The following ADPRHL1 variants were observed in gnomAD, a reference collection of about 807,000 sequenced individuals.
ADPRHL1 encodes the protein ADP-ribosylhydrolase like 1, also known as inactive ADP-ribosyltransferase ARH2.
A neutral mutation model predicts 44.1 loss-of-function variants in ADPRHL1; 43 were observed. The observed-to-expected ratio is 0.98, with a 90% CI of 0.76 to 1.26. ADPRHL1 has a LOEUF of 1.26. ADPRHL1 is among the 50% of genes most tolerant of loss of function. ADPRHL1 has a pLI of 0.00. For synonymous variants in ADPRHL1, 878 were observed against 1,017.4 expected, an observed-to-expected ratio of 0.86 and a Z score of 2.61; for missense variants, 2,022 against 2,496.9, an observed-to-expected ratio of 0.81 and a Z score of 4.05.
At position 113,437,409 on chromosome 13, in the gene ADPRHL1, A is replaced by C. The variant is rs533439130; in HGVS notation, c.380-3542T>G. On this transcript the variant is annotated intron_variant, in intron 2 of 7. Coordinates refer to ENST00000612156, the MANE Select transcript of ADPRHL1 (RefSeq NM_001394807.1). ...TGAACACAGGTGTACCCCGGGACCCAGCACCCAGGTGCAGAGTGAATGCCT... is the reference window on the plus strand; with the variant it reads ...TGAACACAGGTGTACCCCGGGACCCCGCACCCAGGTGCAGAGTGAATGCCT... Among the ~76,000 whole-genome samples, 198 of 151,772 alleles carry C rather than the reference A, an allele frequency of 1.3e-3. 1 individual carries two copies. The highest frequency in any genetic ancestry group is 2.1e-3 in the Non-Finnish European group (145 of 67,922).
At chr13:113,448,422 C>T (rs963257612) in intron 1 of ADPRHL1, among the ~76,000 whole-genome samples, 7 of 135,662 alleles carry the variant, frequency 5.2e-5, no homozygotes, top group African/African-American at 8.8e-5. Context: ...GCCGAGATCG[C>T]GCCACTGTAC....
At chr13:113,452,939 G>A (rs544084862) in intron 1 of ADPRHL1, among the ~76,000 whole-genome samples, 9 of 152,302 alleles carry the variant, frequency 5.9e-5, no homozygotes, top group Admixed American at 3.9e-4. Context: ...CCTAGTTAAC[G>A]CTTTACAAAT....
intron 1 of ADPRHL1, among the ~76,000 whole-genome samples, chr13:113,452,382 C>T (rs957859274): frequency 1.3e-5 from 2 of 152,186 alleles, no homozygotes; most frequent in Admixed American, 1.3e-4. Context: ...CTAAACTGGG[C>T]ACGTCCATGG....
chr13:113,449,154 G>A (rs1298461998), intron 1 of ADPRHL1: 2 of 1,020,408 alleles, frequency 2.0e-6, no homozygotes, highest in Admixed American at 6.1e-5. Flanking sequence ...TGTTCAGAGA[G>A]GCTCACCCGG....
At chr13:113,433,206 C>T (rs1423859451) in intron 3 of ADPRHL1, among the ~76,000 whole-genome samples, 2 of 152,226 alleles carry the variant, frequency 1.3e-5, no homozygotes, top group Admixed American at 1.3e-4. Flanking sequence ...GAGCCGCTCC[C>T]GTGGTTCCCG....
Position 113,404,501 on chromosome 13 carries a change from C to T in ADPRHL1, c.4781G>A (p.Gly1594Glu), listed in dbSNP as rs1034874642. Residue 1594 changes from glycine (G) to glutamate (E), a missense_variant, in exon 8 of 8, where the codon GGA (glycine) becomes GAA (glutamate). Gly to Glu is a moderately conservative substitution (Grantham distance 98). Coordinates refer to ENST00000612156, the MANE Select transcript of ADPRHL1 (RefSeq NM_001394807.1). ...TCCTTGAACCTGTTTCTGGGCCTGT[C>T]CCTGAATCTGCCCCTGAGCCCATTT... ...AQKWAQGQIQ[G>E]QAQKQVQGEV... 2 of 1,303,312 alleles carry T rather than the reference C, an allele frequency of 1.5e-6. No individual in the cohort carries two copies. The highest frequency in any genetic ancestry group is 1.9e-6 in the Non-Finnish European group (2 of 1,032,872). The allele number at this position is 1,303,312 out of a possible 1,614,324, so 80.7% of individuals were successfully genotyped here. A position where few individuals can be genotyped will look rare whatever the true frequency, so the allele number is the denominator to read the frequency against.
chr13:113,451,031 C>T (rs983686992), intron 1 of ADPRHL1, among the ~76,000 whole-genome samples: 7 of 152,142 alleles, frequency 4.6e-5, no homozygotes, highest in Non-Finnish European at 7.3e-5. Flanking sequence ...CACGATCCGC[C>T]TGGTAACGGG....
chr13:113,453,318 G>C lies in ADPRHL1; in HGVS notation c.120C>G (p.Ser40=). The C allele has an allele frequency of 6.2e-7, 1 of 1,614,186 alleles. No individual in the cohort carries two copies. The highest frequency in any genetic ancestry group is 1.1e-5 in the South Asian group (1 of 91,084). The stretch of plus-strand genomic sequence containing the variant: ...AGAGTACGAGGTGGTCCAGGCCCCC[G>C]GAACGTTGCAGCTCCTCCTGGATCT... The part of the protein sequence containing the change: ...GMKIQEELQR[S]GGLDHLVLSP... Residue 40 remains serine (S), a synonymous_variant, in exon 1 of 8, where the codon TCC becomes TCG. Coordinates refer to ENST00000612156, the MANE Select transcript of ADPRHL1 (RefSeq NM_001394807.1). The surrounding 1 kb of genome is among the most constrained non-coding windows in gnomAD (Gnocchi z 5.4).
In ADPRHL1 at chr13:113,452,087, C is replaced by T. The variant is rs114938773; in HGVS notation, c.214+1137G>A. ...AAACTCAAGAGTGAGCTCCAGCCGT[C>T]TACGGTGAAAACAAGCCGGAGCTGT... On this transcript the variant is annotated intron_variant, in intron 1 of 7. Coordinates refer to ENST00000612156, the MANE Select transcript of ADPRHL1 (RefSeq NM_001394807.1). Among the ~76,000 whole-genome samples, 1,414 of 152,330 alleles carry T rather than the reference C, an allele frequency of 9.3e-3. 15 individuals are homozygous for T. Among genetic ancestry groups the T allele is most frequent in the African/African-American group, 0.033 (1,356 of 41,568 alleles).
chr13:113,427,470 C>T (rs913945441), intron 4 of ADPRHL1, among the ~76,000 whole-genome samples: 18 of 152,250 alleles, frequency 1.2e-4, no homozygotes, highest in Admixed American at 3.3e-4. Flanking sequence ...CTCAGGTGAT[C>T]CACCTGCCTC....
chr13:113,403,550 C>T lies in ADPRHL1; in HGVS notation c.5732G>A (p.Gly1911Glu). ...PAQEGSPDHP[G>E]AERALQDRME... Reference sequence around the variant, plus strand: ...CCTGTCCTGCAGGGCCCTCTCAGCCCCAGGGTGGTCTGGGGACCCCTCCTG... The same window carrying T: ...CCTGTCCTGCAGGGCCCTCTCAGCCTCAGGGTGGTCTGGGGACCCCTCCTG... Residue 1911 changes from glycine (G) to glutamate (E), a missense_variant, in exon 8 of 8, where the codon GGG (glycine) becomes GAG (glutamate). By Grantham distance (98) the Gly-to-Glu change is moderately conservative. Coordinates refer to ENST00000612156, the MANE Select transcript of ADPRHL1 (RefSeq NM_001394807.1). 1 of 1,231,916 alleles carries T rather than the reference C, an allele frequency of 8.1e-7. No individual in the cohort carries two copies. The highest frequency in any genetic ancestry group is 1.0e-6 in the Non-Finnish European group (1 of 987,986). 76.3% of individuals were successfully genotyped at this position (1,231,916 alleles called of 1,614,324 possible). A position where few individuals can be genotyped will look rare whatever the true frequency, so the allele number is the denominator to read the frequency against.
chr13:113,404,725 C>T lies in ADPRHL1; in HGVS notation c.4557G>A (p.Gln1519=). ...QWQTQIEAQG[Q]AQEQAQGGTQ... ...TCCCACCCTGAGCCTGTTCCTGTGC[C>T]TGCCCCTGGGCCTCTATCTGGGTCT... Residue 1519 remains glutamine, a synonymous_variant, in exon 8 of 8, where the codon CAG becomes CAA. Transcript: ENST00000612156. 7.8e-7 allele frequency: 1 copy of T among 1,280,356 alleles called. No homozygotes were observed. The highest frequency in any genetic ancestry group is 9.8e-7 in the Non-Finnish European group (1 of 1,019,296). The allele number at this position is 1,280,356 out of a possible 1,614,324, so 79.3% of individuals were successfully genotyped here.
At position 113,403,098 on chromosome 13, in the gene ADPRHL1, GCCC is replaced by G. The variant is rs2043774786; in HGVS notation, c.*277_*279del. 1 of 244,778 alleles carries G rather than the reference GCCC, an allele frequency of 4.1e-6. No homozygotes were observed. Among genetic ancestry groups the G allele is most frequent in the Non-Finnish European group, 7.3e-6 (1 of 136,132 alleles). The allele number at this position is 244,778 out of a possible 1,614,324, so 15.2% of individuals were successfully genotyped here. On this transcript the variant is annotated 3_prime_UTR_variant, in exon 8 of 8. Coordinates refer to ENST00000612156, the MANE Select transcript of ADPRHL1 (RefSeq NM_001394807.1). ...CTGTGTGAGAGAGGGGTGAGCCGGC[GCCC>G]CCGAGTGAAGACACAAAGAATCCCG...
chr13:113,444,690 G>A (rs953388983), intron 1 of ADPRHL1, 101 bp from the exon 2 acceptor site: 1 of 1,397,176 alleles, frequency 7.2e-7, no homozygotes, highest in Non-Finnish European at 9.8e-7. Context: ...AGAAAGGGAG[G>A]GCAGACACTG....
intron 3 of ADPRHL1, among the ~76,000 whole-genome samples, chr13:113,431,646 T>A (rs1038868504): frequency 6.6e-6 from 1 of 152,238 alleles, no homozygotes; most frequent in African/African-American, 2.4e-5. Flanking sequence ...GTCAATTTCA[T>A]AAAATCAAAC....
At position 113,453,414 on chromosome 13, in the gene ADPRHL1, C is replaced by G; in HGVS notation, c.24G>C (p.Met8Ile). ...GAGCATCGCCGACGCTCCCCAGCAA[C>G]ATCGCAGCCTTAAATTTCTCCATCC... is the stretch of plus-strand genomic sequence containing the variant. Reference protein sequence around the residue: MEKFKAAMLLGSVGDALG... With the variant: MEKFKAAILLGSVGDALG... The change falls in exon 1 of 8, where the codon ATG becomes ATC. Residue 8 changes from methionine to isoleucine, a missense_variant. By Grantham distance (10) the Met-to-Ile change is conservative (BLOSUM62 1). This residue lies in a region of ADPRHL1 where 437 missense variants were observed against 430.7 expected (regional missense o/e 1.01). Coordinates refer to ENST00000612156, the MANE Select transcript of ADPRHL1 (RefSeq NM_001394807.1). The surrounding 1 kb of genome is among the most constrained non-coding windows in gnomAD (Gnocchi z 5.4). The G allele has an allele frequency of 6.2e-7, 1 of 1,614,180 alleles. No individual in the cohort carries two copies. The highest frequency in any genetic ancestry group is 8.5e-7 in the Non-Finnish European group (1 of 1,180,046).
intron 2 of ADPRHL1, among the ~76,000 whole-genome samples, chr13:113,442,877 ATTCT>A (rs955579397): frequency 1.3e-5 from 2 of 152,016 alleles, no homozygotes; most frequent in Non-Finnish European, 2.9e-5. Flanking sequence ...TTCATCTTGG[ATTCT>A]TTCTCTTTGT....
In ADPRHL1 at chr13:113,409,549, G is replaced by A; in HGVS notation, c.1062-1329C>T. The A allele has an allele frequency of 7.1e-6, 7 of 985,390 alleles. No homozygotes were observed. Among genetic ancestry groups the A allele is most frequent in the Non-Finnish European group, 6.0e-6 (5 of 829,924 alleles). 61.0% of individuals were successfully genotyped at this position (985,390 alleles called of 1,614,324 possible). A position where few individuals can be genotyped will look rare whatever the true frequency, so the allele number is the denominator to read the frequency against. ...GAGTCGGTGGCCGGATGCGGCTGGT[G>A]ACGTGGTGCCAAGTGAAAAGCTCAC... On this transcript the variant is annotated intron_variant, in intron 7 of 7. Transcript: ENST00000612156. This position sits in a 1 kb window ranked among gnomAD's most constrained non-coding sequence, Gnocchi z 4.2.
In ADPRHL1 at chr13:113,409,843, C is replaced by T. The variant is rs895097334; in HGVS notation, c.1062-1623G>A. 28 of 834,656 alleles carry T rather than the reference C, an allele frequency of 3.4e-5. No individual in the cohort carries two copies. The highest frequency in any genetic ancestry group is 5.5e-5 in the South Asian group (1 of 18,246). 51.7% of individuals were successfully genotyped at this position (834,656 alleles called of 1,614,324 possible). A position where few individuals can be genotyped will look rare whatever the true frequency, so the allele number is the denominator to read the frequency against. ...GGCAGAGCTTGCAGTGAGCCGAGAT[C>T]GCACCACTGCACTCCAGCCTGAGCG... is the stretch of plus-strand genomic sequence containing the variant. On this transcript the variant is annotated intron_variant, in intron 7 of 7. Transcript: ENST00000612156. The surrounding 1 kb of genome is among the most constrained non-coding windows in gnomAD (Gnocchi z 4.2).
Sources: allele counts gnomAD v4.1 joint callset (sites outside exome capture counted in the v4.1 genomes callset), GRCh38; gene constraint gnomAD v4.1.1; regional missense constraint gnomAD v4.1.1; non-coding constraint Gnocchi (gnomAD v3.1); transcripts MANE v1.5; gene names NCBI Gene and HGNC (gene_info 2026-07-23, HGNC 2026-07-21).